The following UBE2QL1 variants were observed in gnomAD, a reference collection of about 807,000 sequenced individuals.
UBE2QL1 encodes ubiquitin conjugating enzyme E2 QL1.
Under a neutral mutation model 12.6 loss-of-function variants are expected in UBE2QL1, and 5 were observed. That is an observed-to-expected ratio of 0.40 (90% CI 0.21 to 0.83). UBE2QL1 has a LOEUF of 0.83. Ranked by LOEUF, UBE2QL1 falls within the 40% of genes least tolerant of loss-of-function variation. The pLI is 0.37. For missense variants in UBE2QL1, 99 were observed against 222.6 expected, an observed-to-expected ratio of 0.44 and a Z score of 3.53; for synonymous variants, 96 against 94.5, an observed-to-expected ratio of 1.02 and a Z score of -0.10.
intron 1 of UBE2QL1, among the ~76,000 whole-genome samples, chr5:6,489,407 G>C (rs1222521858): frequency 1.3e-5 from 2 of 150,514 alleles, no homozygotes; most frequent in Non-Finnish European, 1.5e-5. Flanking sequence ...CTGGATGACA[G>C]AGCAAGATCC....
intron 1 of UBE2QL1, among the ~76,000 whole-genome samples, chr5:6,465,622 G>A (rs899351606): frequency 3.3e-5 from 5 of 152,256 alleles, no homozygotes; most frequent in East Asian, 1.9e-4. Context: ...CTCTTGGGGG[G>A]GCTCTGGGAT....
intron 1 of UBE2QL1, among the ~76,000 whole-genome samples, chr5:6,467,567 T>C (rs1476577433): frequency 6.6e-6 from 1 of 152,180 alleles, no homozygotes; most frequent in Non-Finnish European, 1.5e-5. Flanking sequence ...CCAAATACAG[T>C]CTCGTTCTGA....
rs1734293015 is a variant in UBE2QL1 at position 6,478,875 on chromosome 5, A to G, written c.355-12343A>G. Among the ~76,000 whole-genome samples, 2 of 152,036 alleles carry G rather than the reference A, an allele frequency of 1.3e-5. No homozygotes were observed. The highest frequency in any genetic ancestry group is 2.4e-5 in the African/African-American group (1 of 41,390). On this transcript the variant is annotated intron_variant, in intron 1 of 1. Coordinates refer to ENST00000399816, the MANE Select transcript of UBE2QL1 (RefSeq NM_001145161.3). This position sits in a 1 kb window ranked among gnomAD's most constrained non-coding sequence, Gnocchi z 4.5. ...TCAGGAAACAGGCAAAAGGCAGGAG[A>G]CATGGAGAGTGGGTGCCCATCGGTG...
chr5:6,480,497 C>T (rs1039719620), intron 1 of UBE2QL1, among the ~76,000 whole-genome samples: 3 of 152,168 alleles, frequency 2.0e-5, no homozygotes, highest in Non-Finnish European at 2.9e-5. Flanking sequence ...CACTGGGATC[C>T]GGCTGCCTAT....
chr5:6,463,297 A>G (rs1209524331), intron 1 of UBE2QL1, among the ~76,000 whole-genome samples: 1 of 152,208 alleles, frequency 6.6e-6, no homozygotes, highest in Non-Finnish European at 1.5e-5. Flanking sequence ...TTTTAAGTGT[A>G]TAATACAGTG....
At chr5:6,486,942 A>G (rs1309122299) in intron 1 of UBE2QL1, among the ~76,000 whole-genome samples, 2 of 152,176 alleles carry the variant, frequency 1.3e-5, no homozygotes, top group Non-Finnish European at 2.9e-5. Context: ...CAAGATGCCA[A>G]CAATACCAAG....
At chr5:6,480,713 CTG>C (rs1345804945) in intron 1 of UBE2QL1, among the ~76,000 whole-genome samples, 1 of 152,228 alleles carries the variant, frequency 6.6e-6, no homozygotes, top group African/African-American at 2.4e-5. Context: ...CGCCCATGAA[CTG>C]TGCCTTTGGT....
At chr5:6,449,905 G>A (rs1366518951) in intron 1 of UBE2QL1, among the ~76,000 whole-genome samples, 1 of 117,218 alleles carries the variant, frequency 8.5e-6, no homozygotes, top group Non-Finnish European at 1.8e-5. Context: ...CTCCTCCGCA[G>A]GGGACTCGGG....
At chr5:6,480,283 C>T (rs542969211) in intron 1 of UBE2QL1, among the ~76,000 whole-genome samples, 2 of 152,304 alleles carry the variant, frequency 1.3e-5, no homozygotes, top group South Asian at 4.1e-4. Context: ...CTGTGTGTCT[C>T]CATTTTCTCG....
In UBE2QL1 at chr5:6,480,760, G is replaced by A. The variant is rs1476981544; in HGVS notation, c.355-10458G>A. On this transcript the variant is annotated intron_variant, in intron 1 of 1. Coordinates refer to ENST00000399816, the MANE Select transcript of UBE2QL1 (RefSeq NM_001145161.3). The stretch of plus-strand genomic sequence containing the variant: ...GCTGGAGGATTTTGTATAGTATTAA[G>A]TAGAGTGGCTTCGCTTTAATTCCTT... 3.3e-5 allele frequency among the ~76,000 whole-genome samples: 5 copies of A among 152,194 alleles called. No individual in the cohort carries two copies. In the East Asian group the frequency reaches 5.8e-4, roughly 18 times the overall value.
At chr5:6,458,455 A>AT (rs1739581409) in intron 1 of UBE2QL1, among the ~76,000 whole-genome samples, 1 of 152,222 alleles carries the variant, frequency 6.6e-6, no homozygotes. Flanking sequence ...AACTTATTAC[A>AT]TTTTGGTTCT....
At chr5:6,460,230 G>A (rs1579289070) in intron 1 of UBE2QL1, among the ~76,000 whole-genome samples, 3 of 152,318 alleles carry the variant, frequency 2.0e-5, no homozygotes, top group Admixed American at 2.0e-4. Context: ...TAAAGGCAAG[G>A]AGCATAAACC....
At chr5:6,469,030 C>T (rs755859503) in intron 1 of UBE2QL1, among the ~76,000 whole-genome samples, 3 of 152,180 alleles carry the variant, frequency 2.0e-5, no homozygotes, top group Admixed American at 6.5e-5. Context: ...GCAACCAGCC[C>T]GCCGCCTCTG....
chr5:6,460,740 C>T (rs565302808), intron 1 of UBE2QL1, among the ~76,000 whole-genome samples: 59 of 152,234 alleles, frequency 3.9e-4, no homozygotes, highest in African/African-American at 1.4e-3. Context: ...CTTTTGCTGG[C>T]GTTCAGTTAG....
chr5:6,490,683 A>AAT (rs1420497177), intron 1 of UBE2QL1, among the ~76,000 whole-genome samples: 1 of 152,262 alleles, frequency 6.6e-6, no homozygotes, highest in Admixed American at 6.5e-5. Flanking sequence ...AATTTTAAAA[A>AAT]ATAGAGTTTT....
intron 1 of UBE2QL1, among the ~76,000 whole-genome samples, chr5:6,484,331 C>G (rs1042775228): frequency 2.2e-4 from 33 of 152,202 alleles, no homozygotes; most frequent in Non-Finnish European, 3.8e-4. Context: ...CCAGCCCTTT[C>G]CCTGAGGATT....
At chr5:6,468,381 A>C (rs1739840735) in intron 1 of UBE2QL1, among the ~76,000 whole-genome samples, 1 of 152,200 alleles carries the variant, frequency 6.6e-6, no homozygotes, top group Admixed American at 6.5e-5. Context: ...CACTGGCCTG[A>C]GGACAGAGAA....
chr5:6,469,052 GTTC>G (rs1474270847), intron 1 of UBE2QL1, among the ~76,000 whole-genome samples: 7 of 152,174 alleles, frequency 4.6e-5, no homozygotes, highest in Admixed American at 3.9e-4. Flanking sequence ...ATCTCTTCAC[GTTC>G]TTCTTGTTTG....
In UBE2QL1 at chr5:6,476,789, G is replaced by C. The variant is rs1414914851; in HGVS notation, c.355-14429G>C. ...TCACAGGAAAATGTAGTTGAGATTT[G>C]TAAAAACAAACGGCGTTGTCTTCAC... On this transcript the variant is annotated intron_variant, in intron 1 of 1. Transcript: ENST00000399816. This position sits in a 1 kb window ranked among gnomAD's most constrained non-coding sequence, Gnocchi z 4.9. 6.6e-6 allele frequency among the ~76,000 whole-genome samples: 1 copy of C among 152,148 alleles called. No individual in the cohort carries two copies. The highest frequency in any genetic ancestry group is 1.5e-5 in the Non-Finnish European group (1 of 68,022).
Sources: allele counts gnomAD v4.1 joint callset (sites outside exome capture counted in the v4.1 genomes callset), GRCh38; gene constraint gnomAD v4.1.1; non-coding constraint Gnocchi (gnomAD v3.1); transcripts MANE v1.5; gene names NCBI Gene and HGNC (gene_info 2026-07-23, HGNC 2026-07-21).